TCF12: variants seen among roughly 807,000 people sequenced by gnomAD.
TCF12 encodes transcription factor 12, also known as DNA-binding protein HTF4.
TCF12 carries 45 observed loss-of-function variants against 86.0 expected under a neutral mutation model. The observed-to-expected ratio is 0.52, with a 90% CI of 0.41 to 0.67. The LOEUF (loss-of-function observed/expected upper bound fraction) is 0.67. TCF12 is among the 30% of genes least tolerant of loss of function. The pLI is 0.00. For missense variants in TCF12, 881 were observed against 859.9 expected (o/e 1.02, Z -0.31); for synonymous variants, 330 against 299.6 (o/e 1.10, Z -1.05).
intron 8 of TCF12, among the ~76,000 whole-genome samples, chr15:57,221,109 G>A (rs563349680): frequency 1.3e-5 from 2 of 152,186 alleles, no homozygotes; most frequent in South Asian, 4.1e-4. Flanking sequence ...GGGCTCTTTG[G>A]ACTGGGCCAG....
chr15:57,278,245 C>G (rs1408610375), intron 19 of TCF12, among the ~76,000 whole-genome samples: 5 of 152,018 alleles, frequency 3.3e-5, no homozygotes, highest in African/African-American at 9.7e-5. Flanking sequence ...CATAGAAAAA[C>G]AGCAAAAATA....
At chr15:57,021,838 G>A (rs1431963022) in intron 3 of TCF12, among the ~76,000 whole-genome samples, 3 of 151,874 alleles carry the variant, frequency 2.0e-5, no homozygotes, top group Admixed American at 1.3e-4. Context: ...TCCTATAGGC[G>A]GGTTCCACAG....
At chr15:57,290,334 A>ATT (rs559719209), downstream of TCF12, among the ~76,000 whole-genome samples, 2 of 141,844 alleles carry the variant, frequency 1.4e-5, no homozygotes, top group African/African-American at 2.6e-5. Flanking sequence ...CAAGAGCAAA[A>ATT]CTGTCTCAAA....
chr15:57,080,971 G>A (rs1255922023), intron 4 of TCF12, among the ~76,000 whole-genome samples: 1 of 152,050 alleles, frequency 6.6e-6, no homozygotes, highest in Non-Finnish European at 1.5e-5. Flanking sequence ...AAAGTTCTGC[G>A]GTAGATAAAA....
intron 10 of TCF12, 133 bp downstream of exon 10, chr15:57,232,563 C>T: frequency 2.8e-6 from 4 of 1,445,780 alleles, no homozygotes; most frequent in Non-Finnish European, 3.7e-6. Context: ...ACCGCGTTTA[C>T]CATGCCTTTC....
At chr15:57,078,847 GATGAAAACC>G (rs1393654678) in intron 4 of TCF12, among the ~76,000 whole-genome samples, 2 of 152,164 alleles carry the variant, frequency 1.3e-5, no homozygotes, top group Non-Finnish European at 2.9e-5. Context: ...TATTGCTGCT[GATGAAAACC>G]ATCGTATTTG....
chr15:56,941,816 C>T (rs1177353878), intron 3 of TCF12, among the ~76,000 whole-genome samples: 1 of 151,966 alleles, frequency 6.6e-6, no homozygotes. Context: ...AGCTCTAGGG[C>T]TATATCAGTC....
chr15:57,006,220 T>C, intron 3 of TCF12, among the ~76,000 whole-genome samples: 1 of 152,212 alleles, frequency 6.6e-6, no homozygotes, highest in East Asian at 1.9e-4. Flanking sequence ...AATTCCATGT[T>C]GAGATTAGAT....
chr15:57,252,632 T>C, intron 15 of TCF12, 140 bp downstream of exon 15: 1 of 681,006 alleles, frequency 1.5e-6, no homozygotes, highest in South Asian at 2.0e-5. Context: ...TCACAGTATA[T>C]AGGAATAATT....
At chr15:57,253,587 A>C (rs1249875791) in intron 16 of TCF12, 119 bp downstream of exon 16, 3 of 1,204,366 alleles carry the variant, frequency 2.5e-6, no homozygotes, top group Non-Finnish European at 3.5e-6. Flanking sequence ...ACTTTTCAGA[A>C]TTTTCTTTAC....
chr15:57,208,458 C>T (rs2057956405), intron 8 of TCF12, among the ~76,000 whole-genome samples: 1 of 124,064 alleles, frequency 8.1e-6, no homozygotes, highest in Non-Finnish European at 1.6e-5. Context: ...TCTTGGCTCA[C>T]TGCAACCTCC....
intron 3 of TCF12, among the ~76,000 whole-genome samples, chr15:57,032,265 A>G (rs1327730341): frequency 6.6e-6 from 1 of 152,202 alleles, no homozygotes; most frequent in African/African-American, 2.4e-5. Flanking sequence ...CACAGGAATA[A>G]TCCAAATAGT....
intron 3 of TCF12, among the ~76,000 whole-genome samples, chr15:57,037,507 A>G (rs2066587246): frequency 6.6e-6 from 1 of 152,206 alleles, no homozygotes. Context: ...TGCACAGTAG[A>G]AGATCAAGAG....
rs1175099103 is a variant in TCF12 at position 57,054,305 on chromosome 15, A to G, written c.149-9445A>G. Among the ~76,000 whole-genome samples, 3 of 152,222 alleles carry G rather than the reference A, an allele frequency of 2.0e-5. No homozygotes were observed. The East Asian group carries it at 5.8e-4, about 29-fold the overall frequency. ...AAATTGTGTTAGGTAATCAGCAAAA[A>G]TTCATTAAAATGTACTTGATAGTTA... On this transcript the variant is annotated intron_variant, in intron 3 of 20. Coordinates refer to ENST00000333725, the MANE Select transcript of TCF12 (RefSeq NM_207037.2).
At chr15:57,147,531 A>G (rs990093613) in intron 5 of TCF12, among the ~76,000 whole-genome samples, 11 of 152,112 alleles carry the variant, frequency 7.2e-5, no homozygotes, top group Non-Finnish European at 1.5e-4. Flanking sequence ...AACTCTTACC[A>G]TAAAAGCACT....
intron 2 of TCF12, 121 bp downstream of exon 2, chr15:56,920,109 T>C (rs2059714504): frequency 2.9e-6 from 3 of 1,046,468 alleles, no homozygotes; most frequent in Admixed American, 4.3e-5. Context: ...GTGAACTCCA[T>C]CTGCTTTCTG....
rs375069979 is a variant in TCF12, at chr15:56,998,276, G to A, written c.149-65474G>A. Among the ~76,000 whole-genome samples the A allele has an allele frequency of 3.3e-5, 5 of 152,124 alleles. No homozygotes were observed. In the East Asian group the frequency reaches 9.7e-4, roughly 29 times the overall value. On this transcript the variant is annotated intron_variant, in intron 3 of 20. Coordinates refer to ENST00000333725, the MANE Select transcript of TCF12 (RefSeq NM_207037.2). The stretch of plus-strand genomic sequence containing the variant: ...GTTCTAGACCAGCCTGGACAACATG[G>A]TGAAACCCCCTCTTTACTAAAAATA...
intron 5 of TCF12, among the ~76,000 whole-genome samples, chr15:57,122,475 C>A (rs2051309614): frequency 6.6e-6 from 1 of 152,172 alleles, no homozygotes; most frequent in Non-Finnish European, 1.5e-5. Context: ...TCATTCAATT[C>A]TTTTAACAGC....
At position 57,250,893 on chromosome 15, in the gene TCF12, C is replaced by CA. The variant is rs111971898; in HGVS notation, c.1115-445dup. Among the ~76,000 whole-genome samples the CA allele has an allele frequency of 4.5e-3, 506 of 112,382 alleles. 3 individuals are homozygous for CA. The highest frequency in any genetic ancestry group is 8.4e-3 in the African/African-American group (258 of 30,814). 73.7% of individuals were successfully genotyped at this position (112,382 alleles called of 152,430 possible). A position where few individuals can be genotyped will look rare whatever the true frequency, so the allele number is the denominator to read the frequency against. Reference sequence around the variant, plus strand: ...CCTGGGCGACAGTGAGACTCCATCTCAAAAAAAAAAAAGAAAAAGAAGAAA... The same window carrying CA: ...CCTGGGCGACAGTGAGACTCCATCTCAAAAAAAAAAAAAGAAAAAGAAGAAA... On this transcript the variant is annotated intron_variant, in intron 13 of 20. Coordinates refer to ENST00000333725, the MANE Select transcript of TCF12 (RefSeq NM_207037.2).
Sources: gnomAD v4.1 joint callset for allele counts (sites outside exome capture counted in the v4.1 genomes callset) on GRCh38, gnomAD v4.1.1 for gene constraint, MANE v1.5 for transcripts, NCBI Gene and HGNC (gene_info 2026-07-23, HGNC 2026-07-21) for gene names.